The following GALNTL6 variants were observed in gnomAD, a reference collection of about 807,000 sequenced individuals.
GALNTL6 encodes the protein polypeptide N-acetylgalactosaminyltransferase like 6.
In GALNTL6, 46 loss-of-function variants were observed where a neutral mutation model predicts 73.7. That is an observed-to-expected ratio of 0.62 (90% CI 0.49 to 0.80). GALNTL6 has a LOEUF of 0.80. Among genes scored for constraint, GALNTL6 ranks in the 30% least tolerant of loss-of-function variants. The pLI, the probability that GALNTL6 is intolerant of heterozygous loss-of-function variation, is 0.00. For synonymous variants in GALNTL6, 259 were observed against 263.7 expected, an observed-to-expected ratio of 0.98 and a Z score of 0.17; for missense variants, 604 against 755.0, an observed-to-expected ratio of 0.80 and a Z score of 2.34.
At chr4:172,417,980 A>G (rs995081265) in intron 5 of GALNTL6, among the ~76,000 whole-genome samples, 15 of 152,152 alleles carry the variant, frequency 9.9e-5, no homozygotes, top group South Asian at 2.1e-4. Flanking sequence ...TAATACCTCT[A>G]TGACTTTCAG....
intron 5 of GALNTL6, among the ~76,000 whole-genome samples, chr4:172,538,897 C>T (rs1735446701): frequency 6.6e-6 from 1 of 151,920 alleles, no homozygotes; most frequent in Non-Finnish European, 1.5e-5. Context: ...AGAGGCAACA[C>T]AAGATGAAGT....
chr4:172,026,657 C>T (rs1741594241), intron 2 of GALNTL6, among the ~76,000 whole-genome samples: 1 of 152,068 alleles, frequency 6.6e-6, no homozygotes, highest in Non-Finnish European at 1.5e-5. Flanking sequence ...ACACATTAGG[C>T]TCATGTTTCA....
At chr4:172,626,813 G>T (rs1396166980) in intron 5 of GALNTL6, among the ~76,000 whole-genome samples, 1 of 152,058 alleles carries the variant, frequency 6.6e-6, no homozygotes, top group Non-Finnish European at 1.5e-5. Context: ...TTGTTGCATA[G>T]AAATGGCACT....
intron 5 of GALNTL6, among the ~76,000 whole-genome samples, chr4:172,560,749 CTAA>C (rs1736323014): frequency 6.6e-6 from 1 of 151,988 alleles, no homozygotes; most frequent in Non-Finnish European, 1.5e-5. Context: ...AGTAAAATGA[CTAA>C]TAACAGTAAA....
intron 2 of GALNTL6, among the ~76,000 whole-genome samples, chr4:171,923,067 A>G (rs1286568152): frequency 6.6e-6 from 1 of 152,148 alleles, no homozygotes; most frequent in Non-Finnish European, 1.5e-5. Context: ...TATAAATAAT[A>G]TTTATATAGA....
chr4:172,876,198 A>G (rs1745185426), intron 7 of GALNTL6, among the ~76,000 whole-genome samples: 1 of 152,188 alleles, frequency 6.6e-6, no homozygotes, highest in Non-Finnish European at 1.5e-5. Context: ...ATCTTATAAA[A>G]CCTTTTAAAC....
In GALNTL6 at chr4:172,955,064, G is replaced by A. The variant is rs565216212; in HGVS notation, c.1371+2806G>A. Among the ~76,000 whole-genome samples, 9 of 152,326 alleles carry A rather than the reference G, an allele frequency of 5.9e-5. No individual in the cohort carries two copies. In the South Asian group the frequency reaches 1.7e-3, roughly 28 times the overall value. ...TCTCAGGGAGAATAGATCTCTGAGA[G>A]TATAAGTGAAACATGTACATTTAAT... On this transcript the variant is annotated intron_variant, in intron 10 of 12. Coordinates refer to ENST00000506823, the MANE Select transcript of GALNTL6 (RefSeq NM_001034845.3).
intron 12 of GALNTL6, among the ~76,000 whole-genome samples, chr4:173,032,859 G>A (rs185385177): frequency 1.6e-3 from 236 of 152,076 alleles, no homozygotes; most frequent in African/African-American, 5.4e-3. Context: ...CAGGAGAATT[G>A]AGGATAGATT....
At chr4:171,885,086 G>C (rs1377631523) in intron 2 of GALNTL6, among the ~76,000 whole-genome samples, 1 of 151,396 alleles carries the variant, frequency 6.6e-6, no homozygotes, top group East Asian at 1.9e-4. Flanking sequence ...GAAAAAGAAT[G>C]TGTTATTTAG....
At chr4:172,482,024 G>A (rs1733502900) in intron 5 of GALNTL6, among the ~76,000 whole-genome samples, 1 of 152,194 alleles carries the variant, frequency 6.6e-6, no homozygotes, top group Non-Finnish European at 1.5e-5. Flanking sequence ...CCCACCGGGA[G>A]GCAGCTGAGG....
intron 5 of GALNTL6, among the ~76,000 whole-genome samples, chr4:172,767,735 T>C (rs1275357112): frequency 7.0e-6 from 1 of 143,352 alleles, no homozygotes; most frequent in Non-Finnish European, 1.5e-5. Context: ...AATGACTCCA[T>C]CTCAGCTCAC....
intron 10 of GALNTL6, among the ~76,000 whole-genome samples, chr4:172,974,671 C>A (rs1219057739): frequency 1.3e-5 from 2 of 152,214 alleles, no homozygotes; most frequent in Non-Finnish European, 2.9e-5. Flanking sequence ...CTCAGCCTGG[C>A]AGTCTGCACT....
At chr4:172,709,109 G>A (rs563348315) in intron 5 of GALNTL6, among the ~76,000 whole-genome samples, 73 of 152,142 alleles carry the variant, frequency 4.8e-4, no homozygotes, top group African/African-American at 1.5e-3. Flanking sequence ...GCATGCTTGC[G>A]CACCCTACTC....
At chr4:171,904,165 A>G (rs1198613852) in intron 2 of GALNTL6, among the ~76,000 whole-genome samples, 1 of 152,194 alleles carries the variant, frequency 6.6e-6, no homozygotes, top group Non-Finnish European at 1.5e-5. Context: ...ACGAGCTGAG[A>G]GAAGAAGGCT....
At chr4:172,314,448 C>T (rs914875723) in intron 4 of GALNTL6, among the ~76,000 whole-genome samples, 5 of 152,002 alleles carry the variant, frequency 3.3e-5, no homozygotes, top group Admixed American at 3.3e-4. Context: ...CTATTGGTCA[C>T]TCCCTGTATA....
chr4:172,557,691 A>G (rs1249305201), intron 5 of GALNTL6, among the ~76,000 whole-genome samples: 1 of 152,194 alleles, frequency 6.6e-6, no homozygotes, highest in East Asian at 1.9e-4. Flanking sequence ...ATTATGAAAT[A>G]CTACTACATA....
chr4:172,675,032 G>A (rs2111215448), intron 5 of GALNTL6, among the ~76,000 whole-genome samples: 1 of 152,280 alleles, frequency 6.6e-6, no homozygotes, highest in Non-Finnish European at 1.5e-5. Context: ...CAGTCATTTG[G>A]AGGAAAAGCA....
Position 171,814,509 on chromosome 4 carries a change from A to T in GALNTL6, c.-72A>T. On this transcript the variant is annotated 5_prime_UTR_variant, in exon 2 of 13. Transcript: ENST00000506823. ...GGTGCTTCGCAGGGGAGAGGAAAGG[A>T]ATTTGACATTAAACACAAGAAGCAG... 1 of 1,538,098 alleles carries T rather than the reference A, an allele frequency of 6.5e-7. No homozygotes were observed. The highest frequency in any genetic ancestry group is 1.4e-5 in the African/African-American group (1 of 72,540).
At chr4:172,139,713 C>A (rs1023618702) in intron 2 of GALNTL6, among the ~76,000 whole-genome samples, 3 of 152,172 alleles carry the variant, frequency 2.0e-5, no homozygotes, top group Non-Finnish European at 4.4e-5. Flanking sequence ...AAGTATATTT[C>A]TTCAAAGGAT....
Sources: allele counts gnomAD v4.1 joint callset (sites outside exome capture counted in the v4.1 genomes callset), GRCh38; gene constraint gnomAD v4.1.1; transcripts MANE v1.5; gene names NCBI Gene and HGNC (gene_info 2026-07-23, HGNC 2026-07-21).